The following FOXN2 variants were observed in gnomAD, a reference collection of about 807,000 sequenced individuals.
FOXN2 encodes the protein forkhead box N2.
Under a neutral mutation model 41.2 loss-of-function variants are expected in FOXN2, and 19 were observed. That is an observed-to-expected ratio of 0.46 (90% CI 0.32 to 0.68). FOXN2 has a LOEUF of 0.68. Ranked by LOEUF, FOXN2 falls within the 30% of genes least tolerant of loss-of-function variation. FOXN2 has a pLI of 0.03. For missense variants in FOXN2, 587 were observed against 509.4 expected (o/e 1.15, Z -1.47); for synonymous variants, 195 against 176.8 (o/e 1.10, Z -0.82).
rs573995678 is a variant in FOXN2, at chr2:48,345,804, A to T, written c.-14-397A>T. On this transcript the variant is annotated intron_variant, in intron 2 of 6. Transcript: ENST00000340553. ...TTTCAAGATTCAACTATTTGTATAT[A>T]GTAAAATCATAGATTCTTAAGATAC... Among the ~76,000 whole-genome samples the T allele has an allele frequency of 1.2e-3, 185 of 152,322 alleles. 1 individual carries two copies. Among genetic ancestry groups the T allele is most frequent in the Non-Finnish European group, 2.0e-3 (134 of 68,014 alleles).
At chr2:48,367,417 G>A (rs745992006) in intron 5 of FOXN2, among the ~76,000 whole-genome samples, 6 of 152,192 alleles carry the variant, frequency 3.9e-5, no homozygotes, top group Non-Finnish European at 7.3e-5. Context: ...AGTTGATGGT[G>A]ATGTTAGGGC....
chr2:48,340,398 C>T (rs1171825101), intron 2 of FOXN2, among the ~76,000 whole-genome samples: 1 of 152,142 alleles, frequency 6.6e-6, no homozygotes, highest in Non-Finnish European at 1.5e-5. Flanking sequence ...TCAGAGAATT[C>T]CAATACATAA....
chr2:48,376,696 C>T lies in FOXN2; in HGVS notation c.*1253C>T, dbSNP rs1182240270. 6.6e-6 allele frequency: 1 copy of T among 152,470 alleles called. No homozygotes were observed. The highest frequency in any genetic ancestry group is 1.5e-5 in the Non-Finnish European group (1 of 67,924). 9.4% of individuals were successfully genotyped at this position (152,470 alleles called of 1,614,324 possible). The stretch of plus-strand genomic sequence containing the variant: ...ATTTGAACAGTCTGCTTATATGAGA[C>T]AGTTTTTCATAGTATCATTTGTATA... On this transcript the variant is annotated 3_prime_UTR_variant, in exon 7 of 7. Transcript: ENST00000340553.
intron 3 of FOXN2, among the ~76,000 whole-genome samples, chr2:48,357,553 C>T (rs1314169115): frequency 6.6e-5 from 10 of 150,964 alleles, no homozygotes; most frequent in Admixed American, 2.6e-4. Flanking sequence ...AGGCTGGCCT[C>T]AGCCTCCTGA....
intron 1 of FOXN2, 117 bp from the exon 2 acceptor site, chr2:48,328,444 A>G (rs1669820930): frequency 6.6e-6 from 1 of 152,248 alleles, no homozygotes; most frequent in African/African-American, 2.4e-5. Context: ...TGTAAATGCT[A>G]TATAAATAGT....
At position 48,346,238 on chromosome 2, in the gene FOXN2, T is replaced by G; in HGVS notation, c.24T>G (p.Thr8=). 1.9e-6 allele frequency: 3 copies of G among 1,611,970 alleles called. No individual in the cohort carries two copies. The highest frequency in any genetic ancestry group is 2.5e-6 in the Non-Finnish European group (3 of 1,179,348). ...AAATGGGTCCAGTAATTGGAATGAC[T>G]CCAGATAAGAGAGCTGAAACCCCAG... is the stretch of plus-strand genomic sequence containing the variant. The part of the protein sequence containing the change: MGPVIGM[T]PDKRAETPGA... Residue 8 remains threonine (T), a synonymous_variant, in exon 3 of 7, where the codon ACT becomes ACG. Coordinates refer to ENST00000340553, the MANE Select transcript of FOXN2 (RefSeq NM_002158.4).
At chr2:48,355,171 G>A (rs141373182) in intron 3 of FOXN2, among the ~76,000 whole-genome samples, 2 of 152,256 alleles carry the variant, frequency 1.3e-5, no homozygotes, top group East Asian at 1.9e-4. Flanking sequence ...AGTATGATTT[G>A]TGATAATACT....
rs1261187777 is a variant in FOXN2 at position 48,378,859 on chromosome 2, C to T, written c.*3416C>T. On this transcript the variant is annotated 3_prime_UTR_variant, in exon 7 of 7. Coordinates refer to ENST00000340553, the MANE Select transcript of FOXN2 (RefSeq NM_002158.4). ...ATTCTTTGCATCTAACTGCCAGTGCCATTGTCAAAACTTATTTTTTAAATC... is the reference window on the plus strand; with the variant it reads ...ATTCTTTGCATCTAACTGCCAGTGCTATTGTCAAAACTTATTTTTTAAATC... The T allele has an allele frequency of 6.6e-6, 1 of 152,330 alleles. No homozygotes were observed. Among genetic ancestry groups the T allele is most frequent in the South Asian group, 2.1e-4 (1 of 4,826 alleles). 9.4% of individuals were successfully genotyped at this position (152,330 alleles called of 1,614,324 possible).
At chr2:48,318,771 A>G (rs980318659) in intron 1 of FOXN2, among the ~76,000 whole-genome samples, 2 of 152,170 alleles carry the variant, frequency 1.3e-5, no homozygotes, top group Non-Finnish European at 2.9e-5. Flanking sequence ...TTTGTTCTGG[A>G]GTCTGCCTGA....
At chr2:48,354,786 G>C (rs1671679552) in intron 3 of FOXN2, among the ~76,000 whole-genome samples, 1 of 152,120 alleles carries the variant, frequency 6.6e-6, no homozygotes, top group Non-Finnish European at 1.5e-5. Context: ...ATATGAATAG[G>C]CAGTTCACAG....
intron 1 of FOXN2, among the ~76,000 whole-genome samples, chr2:48,322,675 G>A (rs2104108086): frequency 6.7e-6 from 1 of 148,850 alleles, no homozygotes; most frequent in South Asian, 2.1e-4. Context: ...ATTCTTTCTT[G>A]AGCTCTATCA....
chr2:48,337,139 C>A (rs1670418088), intron 2 of FOXN2, among the ~76,000 whole-genome samples: 1 of 151,728 alleles, frequency 6.6e-6, no homozygotes, highest in African/African-American at 2.4e-5. Context: ...TAGTAACTAT[C>A]CTTCTACTCT....
At chr2:48,327,733 A>G (rs559845428) in intron 1 of FOXN2, among the ~76,000 whole-genome samples, 1 of 152,270 alleles carries the variant, frequency 6.6e-6, no homozygotes, top group East Asian at 1.9e-4. Flanking sequence ...GTGTGAGCCA[A>G]CGTGTCCAGC....
intron 1 of FOXN2, among the ~76,000 whole-genome samples, chr2:48,326,578 G>A (rs1239833514): frequency 6.6e-6 from 1 of 152,134 alleles, no homozygotes; most frequent in African/African-American, 2.4e-5. Flanking sequence ...ACACCATAGG[G>A]GTTTCCATTC....
At chr2:48,342,946 T>C (rs1273198383) in intron 2 of FOXN2, among the ~76,000 whole-genome samples, 1 of 152,266 alleles carries the variant, frequency 6.6e-6, no homozygotes, top group Non-Finnish European at 1.5e-5. Context: ...AATGAAATTT[T>C]TTTGTAAACT....
chr2:48,314,984 G>T (rs1036412393), intron 1 of FOXN2, among the ~76,000 whole-genome samples, 170 bp downstream of exon 1: 2 of 152,070 alleles, frequency 1.3e-5, no homozygotes, highest in African/African-American at 4.8e-5. Context: ...AATTTGCGCC[G>T]GCGCGGGGGT....
At position 48,358,994 on chromosome 2, in the gene FOXN2, GCTGA is replaced by G. The variant is rs1290294321; in HGVS notation, c.538-49_538-46del. 1.0e-5 allele frequency: 14 copies of G among 1,333,522 alleles called. No individual in the cohort carries two copies. In the East Asian group the frequency reaches 2.3e-4, roughly 22 times the overall value. 82.6% of individuals were successfully genotyped at this position (1,333,522 alleles called of 1,614,324 possible). A position where few individuals can be genotyped will look rare whatever the true frequency, so the allele number is the denominator to read the frequency against. On this transcript the variant is annotated intron_variant, in intron 3 of 6. Transcript: ENST00000340553. The stretch of plus-strand genomic sequence containing the variant: ...GCACATTTATTTAAAACATTTAGAC[GCTGA>G]CTGTTTATGTATAAAAGTTCCTAGT...
At chr2:48,341,441 A>G (rs560795494) in intron 2 of FOXN2, among the ~76,000 whole-genome samples, 1 of 152,328 alleles carries the variant, frequency 6.6e-6, no homozygotes, top group South Asian at 2.1e-4. Flanking sequence ...AGTGAAAAAT[A>G]TGCAGCTTTG....
At chr2:48,371,891 C>G (rs1672918576) in intron 5 of FOXN2, among the ~76,000 whole-genome samples, 1 of 151,992 alleles carries the variant, frequency 6.6e-6, no homozygotes, top group Non-Finnish European at 1.5e-5. Context: ...AATTTTGTAT[C>G]TTGCAACTTT....
Sources: gnomAD v4.1 joint callset for allele counts (sites outside exome capture counted in the v4.1 genomes callset) on GRCh38, gnomAD v4.1.1 for gene constraint, MANE v1.5 for transcripts, NCBI Gene and HGNC (gene_info 2026-07-23, HGNC 2026-07-21) for gene names.